Variants in CNTN5 observed in about 807,000 individuals in gnomAD.
CNTN5 encodes contactin-5.
In CNTN5, 77 loss-of-function variants were observed where a neutral mutation model predicts 129.1. The ratio of observed to expected loss-of-function variants is 0.60; its 90% CI spans 0.50 to 0.72. The LOEUF (loss-of-function observed/expected upper bound fraction) is 0.72. Among genes scored for constraint, CNTN5 ranks in the 30% least tolerant of loss-of-function variants. The pLI, the probability that CNTN5 is intolerant of heterozygous loss-of-function variation, is 0.00. For missense variants in CNTN5, 1,478 were observed against 1,328.8 expected (o/e 1.11, Z -1.75); for synonymous variants, 509 against 465.6 (o/e 1.09, Z -1.20).
At chr11:99,435,834 G>A (rs1229798672) in intron 2 of CNTN5, among the ~76,000 whole-genome samples, 1 of 152,142 alleles carries the variant, frequency 6.6e-6, no homozygotes, top group African/African-American at 2.4e-5. Context: ...CATATTTGTG[G>A]CATGGCCATG....
At chr11:99,613,315 T>C (rs1186922349) in intron 3 of CNTN5, among the ~76,000 whole-genome samples, 1 of 152,200 alleles carries the variant, frequency 6.6e-6, no homozygotes, top group African/African-American at 2.4e-5. Context: ...TAAGGGGCTC[T>C]TCCCGGCTTC....
At chr11:99,898,938 A>G (rs982245991) in intron 6 of CNTN5, among the ~76,000 whole-genome samples, 1 of 152,004 alleles carries the variant, frequency 6.6e-6, no homozygotes, top group Non-Finnish European at 1.5e-5. Flanking sequence ...AATGCCTCTA[A>G]TGTTTCTCTA....
intron 3 of CNTN5, among the ~76,000 whole-genome samples, chr11:99,678,649 G>A (rs1330677070): frequency 1.3e-5 from 2 of 152,086 alleles, no homozygotes; most frequent in East Asian, 3.9e-4. Context: ...GGAAGGGAAA[G>A]AGAATCCATG....
intron 13 of CNTN5, among the ~76,000 whole-genome samples, chr11:100,109,141 C>A (rs1204465891): frequency 2.0e-5 from 3 of 152,102 alleles, no homozygotes; most frequent in African/African-American, 7.2e-5. Flanking sequence ...AAAGATTCCC[C>A]AAATAGTCCA....
At chr11:100,090,235 C>A (rs1944704303) in intron 13 of CNTN5, among the ~76,000 whole-genome samples, 1 of 152,012 alleles carries the variant, frequency 6.6e-6, no homozygotes, top group Non-Finnish European at 1.5e-5. Flanking sequence ...AAACCCACAA[C>A]CAACATCATA....
intron 3 of CNTN5, among the ~76,000 whole-genome samples, chr11:99,715,622 A>G (rs79830011): frequency 6.6e-6 from 1 of 152,036 alleles, no homozygotes; most frequent in African/African-American, 2.4e-5. Flanking sequence ...GCAAGGAGTA[A>G]TAAACAAAAA....
At chr11:99,911,611 G>T (rs775992183) in intron 6 of CNTN5, among the ~76,000 whole-genome samples, 3 of 151,620 alleles carry the variant, frequency 2.0e-5, no homozygotes, top group Non-Finnish European at 2.9e-5. Flanking sequence ...ATAGTTTCAG[G>T]TACTCTATTT....
chr11:99,931,066 G>A (rs560759411), intron 7 of CNTN5, among the ~76,000 whole-genome samples: 56 of 152,260 alleles, frequency 3.7e-4, no homozygotes, highest in African/African-American at 1.3e-3. Context: ...TGAAGCATTT[G>A]TAACAAGTGC....
At chr11:99,651,025 T>C (rs1489319871) in intron 3 of CNTN5, among the ~76,000 whole-genome samples, 1 of 151,984 alleles carries the variant, frequency 6.6e-6, no homozygotes, top group Non-Finnish European at 1.5e-5. Flanking sequence ...TCATCGTTTC[T>C]AATTTATTCT....
intron 2 of CNTN5, among the ~76,000 whole-genome samples, chr11:99,382,851 T>A (rs1167307761): frequency 7.3e-5 from 6 of 81,782 alleles, no homozygotes; most frequent in African/African-American, 2.9e-4. Context: ...ATAACTTTTT[T>A]TTTTTTTTTT....
intron 8 of CNTN5, among the ~76,000 whole-genome samples, chr11:99,972,608 A>T (rs755543215): frequency 3.4e-4 from 51 of 152,180 alleles, no homozygotes; most frequent in Non-Finnish European, 5.6e-4. Context: ...AATGTCTCTT[A>T]GAGTGTTCAG....
At chr11:100,093,885 A>G (rs538235645) in intron 13 of CNTN5, among the ~76,000 whole-genome samples, 1 of 152,246 alleles carries the variant, frequency 6.6e-6, no homozygotes, top group African/African-American at 2.4e-5. Context: ...AGCAGGCAGA[A>G]GGAGCAAACA....
At chr11:100,353,032 G>A (rs1039291263) in intron 24 of CNTN5, among the ~76,000 whole-genome samples, 3 of 151,316 alleles carry the variant, frequency 2.0e-5, no homozygotes, top group Non-Finnish European at 4.4e-5. Flanking sequence ...GACTCTCTAA[G>A]GTTACTTTCA....
intron 3 of CNTN5, among the ~76,000 whole-genome samples, chr11:99,813,746 G>C (rs536630719): frequency 8.4e-4 from 128 of 152,214 alleles, no homozygotes; most frequent in Middle Eastern, 6.8e-3. Context: ...TAAGGTTGTG[G>C]TATCTTGGAA....
chr11:99,412,502 C>T (rs1942443806), intron 2 of CNTN5, among the ~76,000 whole-genome samples: 1 of 152,064 alleles, frequency 6.6e-6, no homozygotes, highest in Admixed American at 6.6e-5. Context: ...CTATCCTCAC[C>T]TCCATCATCA....
At chr11:99,317,346 C>G (rs2135986850) in intron 1 of CNTN5, among the ~76,000 whole-genome samples, 1 of 152,262 alleles carries the variant, frequency 6.6e-6, no homozygotes, top group Admixed American at 6.5e-5. Flanking sequence ...TTCTAGTTAT[C>G]TTGAAGTTGG....
At chr11:100,333,390 T>C (rs1217815764) in intron 21 of CNTN5, among the ~76,000 whole-genome samples, 1 of 107,578 alleles carries the variant, frequency 9.3e-6, no homozygotes, top group East Asian at 3.2e-4. Flanking sequence ...AATACCACCA[T>C]CATTCTTCAC....
Position 99,047,392 on chromosome 11 carries a change from A to C in CNTN5, c.-210+26122A>C, listed in dbSNP as rs1479049892. Among the ~76,000 whole-genome samples, 9 of 151,672 alleles carry C rather than the reference A, an allele frequency of 5.9e-5. No homozygotes were observed. In the East Asian group the frequency reaches 1.7e-3, roughly 29 times the overall value. ...TTATTGAATTTTGGCAAAAAAAAAAAAAAACCAAAAAAGTGTATGTGTATG... is the reference window on the plus strand; with the variant it reads ...TTATTGAATTTTGGCAAAAAAAAAACAAAACCAAAAAAGTGTATGTGTATG... On this transcript the variant is annotated intron_variant, in intron 1 of 24. Coordinates refer to ENST00000524871, the MANE Select transcript of CNTN5 (RefSeq NM_014361.4).
chr11:99,602,585 A>C (rs1447532164), intron 3 of CNTN5, among the ~76,000 whole-genome samples: 2 of 152,206 alleles, frequency 1.3e-5, no homozygotes, highest in Non-Finnish European at 2.9e-5. Context: ...TGGCCATTTA[A>C]GGAAAACAAC....
Sources: allele counts gnomAD v4.1 joint callset (sites outside exome capture counted in the v4.1 genomes callset), GRCh38; gene constraint gnomAD v4.1.1; transcripts MANE v1.5; gene names NCBI Gene and HGNC (gene_info 2026-07-23, HGNC 2026-07-21).